The following CPPED1 variants were observed in gnomAD, a reference collection of about 807,000 sequenced individuals.
The protein encoded by CPPED1 is calcineurin like phosphoesterase domain containing 1.
Under a neutral mutation model 28.0 loss-of-function variants are expected in CPPED1, and 28 were observed. The ratio of observed to expected loss-of-function variants is 1.00; its 90% CI spans 0.74 to 1.37. The LOEUF is 1.37. Among genes scored for constraint, CPPED1 ranks in the 40% most tolerant of loss-of-function variants. CPPED1 has a pLI of 0.00. For synonymous variants in CPPED1, 198 were observed against 180.2 expected (o/e 1.10, Z -0.79); for missense variants, 504 against 416.5 (o/e 1.21, Z -1.83).
chr16:12,674,449 C>G (rs1043236127), intron 3 of CPPED1, among the ~76,000 whole-genome samples: 5 of 152,150 alleles, frequency 3.3e-5, no homozygotes, highest in African/African-American at 1.2e-4. Flanking sequence ...GTGGGGGTTT[C>G]TGAGTCTATT....
chr16:12,686,241 ATT>A (rs1555483876), intron 3 of CPPED1, among the ~76,000 whole-genome samples: 3 of 106,958 alleles, frequency 2.8e-5, no homozygotes, highest in African/African-American at 4.1e-5. Flanking sequence ...ATATATATAT[ATT>A]TTTTTTTTTG....
At chr16:12,755,293 T>TTTC (rs1237541848) in intron 2 of CPPED1, among the ~76,000 whole-genome samples, 2 of 151,124 alleles carry the variant, frequency 1.3e-5, no homozygotes, top group Admixed American at 6.6e-5. Flanking sequence ...TTTTTTTTTT[T>TTTC]TTTTTTGAGA....
chr16:12,701,956 G>A (rs1353250445), intron 3 of CPPED1, among the ~76,000 whole-genome samples: 1 of 152,214 alleles, frequency 6.6e-6, no homozygotes, highest in East Asian at 1.9e-4. Context: ...CTACCAAGCA[G>A]CCTCCTGATT....
At chr16:12,713,244 C>A (rs149379281) in intron 2 of CPPED1, among the ~76,000 whole-genome samples, 2 of 152,266 alleles carry the variant, frequency 1.3e-5, no homozygotes, top group African/African-American at 4.8e-5. Context: ...TGACTTTAAA[C>A]GTCAACACCT....
At position 12,722,555 on chromosome 16, in the gene CPPED1, G is replaced by A. The variant is rs1056993838; in HGVS notation, c.290-17506C>T. Among the ~76,000 whole-genome samples, 7 of 152,176 alleles carry A rather than the reference G, an allele frequency of 4.6e-5. No homozygotes were observed. In the South Asian group the frequency reaches 6.2e-4, roughly 13 times the overall value. On this transcript the variant is annotated intron_variant, in intron 2 of 3. Coordinates refer to ENST00000381774, the MANE Select transcript of CPPED1 (RefSeq NM_018340.3). Reference sequence around the variant, plus strand: ...GAGTTCAGACCAGCCTGGGCAACACGGCGAGACCCTGTCTCTACAAAAATA... The same window carrying A: ...GAGTTCAGACCAGCCTGGGCAACACAGCGAGACCCTGTCTCTACAAAAATA...
At chr16:12,706,132 T>G (rs1031881295) in intron 2 of CPPED1, among the ~76,000 whole-genome samples, 44 of 152,142 alleles carry the variant, frequency 2.9e-4, no homozygotes, top group African/African-American at 1.1e-3. Flanking sequence ...ACAGGCGATC[T>G]ATATTAATGC....
intron 2 of CPPED1, among the ~76,000 whole-genome samples, chr16:12,766,834 C>T (rs777792184): frequency 6.6e-6 from 1 of 152,178 alleles, no homozygotes; most frequent in Non-Finnish European, 1.5e-5. Context: ...TAGGACTCTT[C>T]TGCTCAGAGG....
chr16:12,675,558 T>C (rs1035338175), intron 3 of CPPED1, among the ~76,000 whole-genome samples: 1 of 152,270 alleles, frequency 6.6e-6, no homozygotes, highest in Non-Finnish European at 1.5e-5. Context: ...ATTGGAAACC[T>C]GCTTCAAATC....
At chr16:12,771,494 C>T (rs188214182) in intron 2 of CPPED1, among the ~76,000 whole-genome samples, 42 of 152,322 alleles carry the variant, frequency 2.8e-4, no homozygotes, top group African/African-American at 9.9e-4. Context: ...ACCCCCACTG[C>T]CCTTTAGGAA....
chr16:12,697,346 C>A (rs1246779505), intron 3 of CPPED1, among the ~76,000 whole-genome samples: 1 of 150,728 alleles, frequency 6.6e-6, no homozygotes, highest in African/African-American at 2.5e-5. Flanking sequence ...AATTATTAGA[C>A]ATCTTACATG....
chr16:12,788,146 A>G (rs1227742936), intron 1 of CPPED1, among the ~76,000 whole-genome samples: 1 of 152,230 alleles, frequency 6.6e-6, no homozygotes, highest in Non-Finnish European at 1.5e-5. Context: ...TCTGCTAGCA[A>G]ATGGAAGCTA....
intron 3 of CPPED1, among the ~76,000 whole-genome samples, chr16:12,680,829 C>A (rs1214932340): frequency 6.6e-6 from 1 of 152,134 alleles, no homozygotes; most frequent in African/African-American, 2.4e-5. Flanking sequence ...CTGGGCTGAA[C>A]CCTGCTGGAA....
chr16:12,668,770 G>A (rs937525442), intron 3 of CPPED1, among the ~76,000 whole-genome samples: 2 of 152,216 alleles, frequency 1.3e-5, no homozygotes, highest in East Asian at 1.9e-4. Context: ...TGCGATTAGC[G>A]ACAATGAGAT....
At chr16:12,768,238 T>C (rs2080450734) in intron 2 of CPPED1, among the ~76,000 whole-genome samples, 1 of 152,236 alleles carries the variant, frequency 6.6e-6, no homozygotes, top group Non-Finnish European at 1.5e-5. Context: ...ATATTTCTTC[T>C]CTACTGTGTG....
chr16:12,784,728 G>A (rs1391181586), intron 1 of CPPED1, among the ~76,000 whole-genome samples: 1 of 152,174 alleles, frequency 6.6e-6, no homozygotes, highest in Non-Finnish European at 1.5e-5. Flanking sequence ...GATAAGGGAG[G>A]TGAACACAGG....
In CPPED1 at chr16:12,663,104, C is replaced by G. The variant is rs1042732305; in HGVS notation, c.*1782G>C. Reference sequence around the variant, plus strand: ...TGAGACAGAGTCTTGCTCTGTTGCCCAGGCTGGAGTGCAGTGGCATGATCT... The same window carrying G: ...TGAGACAGAGTCTTGCTCTGTTGCCGAGGCTGGAGTGCAGTGGCATGATCT... On this transcript the variant is annotated 3_prime_UTR_variant, in exon 4 of 4. Transcript: ENST00000381774. 6.6e-6 allele frequency: 1 copy of G among 150,496 alleles called. No homozygotes were observed. The highest frequency in any genetic ancestry group is 2.5e-5 in the African/African-American group (1 of 40,734). 9.3% of individuals were successfully genotyped at this position (150,496 alleles called of 1,614,324 possible).
intron 1 of CPPED1, among the ~76,000 whole-genome samples, chr16:12,788,653 C>A (rs1451534753): frequency 1.3e-5 from 2 of 152,180 alleles, no homozygotes; most frequent in African/African-American, 4.8e-5. Flanking sequence ...AACTTCTACC[C>A]AAGAGCTATT....
At chr16:12,744,132 C>T (rs550644721) in intron 2 of CPPED1, among the ~76,000 whole-genome samples, 14 of 151,728 alleles carry the variant, frequency 9.2e-5, no homozygotes, top group African/African-American at 2.2e-4. Context: ...AAAAATTAGC[C>T]GGGCGTGGTG....
At chr16:12,713,029 G>C (rs1016436990) in intron 2 of CPPED1, among the ~76,000 whole-genome samples, 1 of 152,086 alleles carries the variant, frequency 6.6e-6, no homozygotes, top group South Asian at 2.1e-4. Context: ...AATTGTGTAA[G>C]TACTGTTCTT....
Sources: allele counts gnomAD v4.1 joint callset (sites outside exome capture counted in the v4.1 genomes callset), GRCh38; gene constraint gnomAD v4.1.1; transcripts MANE v1.5; gene names NCBI Gene and HGNC (gene_info 2026-07-23, HGNC 2026-07-21).